The following MARCHF7 variants were observed in gnomAD, a reference collection of about 807,000 sequenced individuals.
MARCHF7 encodes the protein membrane associated ring-CH-type finger 7.
In MARCHF7, 20 loss-of-function variants were observed where a neutral mutation model predicts 76.5. The observed-to-expected ratio is 0.26, with a 90% confidence interval of 0.18 to 0.38. The LOEUF is 0.38. Among genes scored for constraint, MARCHF7 ranks in the 10% least tolerant of loss-of-function variants. MARCHF7 has a pLI of 1.00. For missense variants in MARCHF7, 797 were observed against 812.9 expected (o/e 0.98, Z 0.24); for synonymous variants, 295 against 293.0 (o/e 1.01, Z -0.07).
chr2:159,744,661 G>T (rs749881628), intron 5 of MARCHF7, among the ~76,000 whole-genome samples: 1 of 152,208 alleles, frequency 6.6e-6, no homozygotes, highest in Non-Finnish European at 1.5e-5. Flanking sequence ...TGGGAAAGAC[G>T]TGCCTATCTG....
chr2:159,739,494 A>G (rs1006423867), intron 4 of MARCHF7, among the ~76,000 whole-genome samples: 2 of 152,366 alleles, frequency 1.3e-5, no homozygotes, highest in Admixed American at 6.5e-5. Flanking sequence ...AAGTGAAAAC[A>G]ACCCCAAAAC....
chr2:159,723,584 A>G (rs1701858706), intron 3 of MARCHF7, among the ~76,000 whole-genome samples: 1 of 152,138 alleles, frequency 6.6e-6, no homozygotes, highest in South Asian at 2.1e-4. Flanking sequence ...TCATTTTTCT[A>G]AACAGTGTGC....
At chr2:159,718,736 C>G (rs1008785689) in intron 3 of MARCHF7, among the ~76,000 whole-genome samples, 1 of 152,082 alleles carries the variant, frequency 6.6e-6, no homozygotes. Flanking sequence ...CTCCTTTCCT[C>G]CTAATGTTCT....
chr2:159,765,889 C>G (rs756593363), intron 11 of MARCHF7, among the ~76,000 whole-genome samples: 4 of 152,088 alleles, frequency 2.6e-5, no homozygotes, highest in Non-Finnish European at 5.9e-5. Context: ...TTAGGTTGGC[C>G]TAATACAAAG....
intron 3 of MARCHF7, among the ~76,000 whole-genome samples, chr2:159,726,313 A>G (rs1163583539): frequency 6.6e-6 from 1 of 152,102 alleles, no homozygotes; most frequent in Non-Finnish European, 1.5e-5. Context: ...CCCAGGCCAG[A>G]GTGCAGTGGC....
At chr2:159,760,287 C>G (rs887834565) in intron 9 of MARCHF7, among the ~76,000 whole-genome samples, 2 of 151,914 alleles carry the variant, frequency 1.3e-5, no homozygotes, top group African/African-American at 4.8e-5. Context: ...AACTATGTAC[C>G]CTTCTTATAA....
At chr2:159,736,048 G>C (rs1484111440) in intron 4 of MARCHF7, among the ~76,000 whole-genome samples, 2 of 152,210 alleles carry the variant, frequency 1.3e-5, no homozygotes, top group Non-Finnish European at 2.9e-5. Flanking sequence ...GATCCCTTAA[G>C]CTCATAAGGT....
intron 5 of MARCHF7, among the ~76,000 whole-genome samples, chr2:159,745,512 G>A (rs186596817): frequency 5.4e-4 from 82 of 152,156 alleles, no homozygotes; most frequent in African/African-American, 1.8e-3. Flanking sequence ...AAAATTAGCC[G>A]GGCATGGTGG....
At chr2:159,718,495 CATT>C (rs1701283858) in intron 3 of MARCHF7, among the ~76,000 whole-genome samples, 1 of 151,908 alleles carries the variant, frequency 6.6e-6, no homozygotes, top group African/African-American at 2.4e-5. Flanking sequence ...TGATCAAGGC[CATT>C]ATTGTAATAA....
intron 8 of MARCHF7, among the ~76,000 whole-genome samples, chr2:159,756,320 G>T (rs533506581): frequency 6.6e-6 from 1 of 152,278 alleles, no homozygotes; most frequent in South Asian, 2.1e-4. Context: ...GCTAGCTATA[G>T]GGTCTTGAGC....
chr2:159,750,874 G>A (rs541637548), intron 7 of MARCHF7, among the ~76,000 whole-genome samples: 3 of 150,798 alleles, frequency 2.0e-5, no homozygotes, highest in Admixed American at 6.6e-5. Context: ...AGATTTTTTT[G>A]TACTTTAATA....
intron 3 of MARCHF7, among the ~76,000 whole-genome samples, chr2:159,727,415 G>A (rs866204918): frequency 2.6e-5 from 4 of 152,122 alleles, no homozygotes; most frequent in East Asian, 1.9e-4. Context: ...GTGAAACCCC[G>A]TCTCTACTAA....
At chr2:159,713,391 T>C (rs1467707206) in intron 1 of MARCHF7, among the ~76,000 whole-genome samples, 6 of 152,170 alleles carry the variant, frequency 3.9e-5, no homozygotes, top group South Asian at 2.1e-4. Context: ...AAAGTAAATA[T>C]ATTGGGAAAG....
intron 4 of MARCHF7, among the ~76,000 whole-genome samples, chr2:159,732,119 C>CA (rs1487289276): frequency 6.6e-6 from 1 of 151,562 alleles, no homozygotes; most frequent in Non-Finnish European, 1.5e-5. Flanking sequence ...AAACAAAAAA[C>CA]AAAAAACAAA....
intron 4 of MARCHF7, among the ~76,000 whole-genome samples, chr2:159,738,028 C>T (rs1703669605): frequency 1.3e-5 from 2 of 152,194 alleles, no homozygotes; most frequent in Admixed American, 1.3e-4. Flanking sequence ...CAGCTCGGAT[C>T]CCACGCCTGC....
rs538569890 is a variant in MARCHF7 at position 159,766,628 on chromosome 2, T to C, written c.2057-656T>C. Among the ~76,000 whole-genome samples, 28 of 152,276 alleles carry C rather than the reference T, an allele frequency of 1.8e-4. 1 individual carries two copies. The highest frequency in any genetic ancestry group is 9.2e-4 in the Admixed American group (14 of 15,286). On this transcript the variant is annotated intron_variant, in intron 11 of 11. Transcript: ENST00000409175. ...TTAACTCTTGAGCCACTAGTGACTC[T>C]TGAATAAATTGAGGTCAGAAATGTT...
intron 7 of MARCHF7, among the ~76,000 whole-genome samples, 155 bp from the exon 8 acceptor site, chr2:159,752,247 A>G (rs1466640943): frequency 6.6e-6 from 1 of 152,138 alleles, no homozygotes; most frequent in African/African-American, 2.4e-5. Context: ...GATGAATATA[A>G]TTGTTATTGT....
intron 3 of MARCHF7, among the ~76,000 whole-genome samples, chr2:159,719,470 C>G (rs1434225385): frequency 6.6e-6 from 1 of 151,814 alleles, no homozygotes; most frequent in Non-Finnish European, 1.5e-5. Context: ...TGCCTCCCTT[C>G]CCAGTTATTA....
At chr2:159,727,799 G>T (rs2125387123) in intron 3 of MARCHF7, among the ~76,000 whole-genome samples, 1 of 152,316 alleles carries the variant, frequency 6.6e-6, no homozygotes, top group Middle Eastern at 3.4e-3. Context: ...TTGAGCAAAT[G>T]AAGTTGGACA....
Sources: allele counts gnomAD v4.1 joint callset (sites outside exome capture counted in the v4.1 genomes callset), GRCh38; gene constraint gnomAD v4.1.1; transcripts MANE v1.5; gene names NCBI Gene and HGNC (gene_info 2026-07-23, HGNC 2026-07-21).